The following NPR3 variants were observed in gnomAD, a reference collection of about 807,000 sequenced individuals.
NPR3 encodes the protein atrial natriuretic peptide receptor 3.
NPR3 carries 34 observed loss-of-function variants against 54.5 expected under a neutral mutation model. That is an observed-to-expected ratio of 0.62 (90% CI 0.47 to 0.83). The LOEUF (loss-of-function observed/expected upper bound fraction) is 0.83. NPR3 is among the 40% of genes least tolerant of loss of function. The pLI is 0.00. For missense variants in NPR3, 674 were observed against 720.8 expected (o/e 0.94, Z 0.74); for synonymous variants, 289 against 297.1 (o/e 0.97, Z 0.28).
Position 32,712,097 on chromosome 5 carries a change from C to T in NPR3, c.321C>T (p.Asp107=). The T allele has an allele frequency of 6.2e-7, 1 of 1,613,822 alleles. No homozygotes were observed. Among genetic ancestry groups the T allele is most frequent in the Non-Finnish European group, 8.5e-7 (1 of 1,179,814 alleles). The part of the protein sequence containing the change: ...TRFQVAYEDS[D]CGNRALFSLV... ...TCCAGGTGGCTTACGAGGATTCAGA[C>T]TGTGGGAACCGTGCGCTCTTCAGCT... The change falls in exon 1 of 8, where the codon GAC becomes GAT. Residue 107 remains aspartate, a synonymous_variant. Transcript: ENST00000265074.
At chr5:32,784,680 A>G in intron 6 of NPR3, 116 bp from the exon 7 acceptor site, 1 of 759,276 alleles carries the variant, frequency 1.3e-6, no homozygotes, top group Non-Finnish European at 2.2e-6. Flanking sequence ...ATATTTCTGA[A>G]AAAGGAAAAG....
rs6868488 is a variant in NPR3 at position 32,754,326 on chromosome 5, T to C, written c.1059+15296T>C. Among the ~76,000 whole-genome samples the C allele has an allele frequency of 8.4e-3, 1,280 of 151,972 alleles. 21 individuals carry two copies. Among genetic ancestry groups the C allele is most frequent in the African/African-American group, 0.029 (1,201 of 41,388 alleles). On this transcript the variant is annotated intron_variant, in intron 3 of 7. Transcript: ENST00000265074. ...ACCACACTGAGTTGCTCTTGGAAGT[T>C]ATGAAAAATGATTGTAAAGGGTTTT...
At chr5:32,711,274 T>C, upstream of NPR3, 1 of 957,502 alleles carries the variant, frequency 1.0e-6, no homozygotes, top group Non-Finnish European at 1.2e-6. Context: ...GGTAACACGC[T>C]CAGCCGCTGC....
At chr5:32,712,656 C>A in intron 1 of NPR3, 111 bp downstream of exon 1, 1 of 1,005,968 alleles carries the variant, frequency 9.9e-7, no homozygotes, top group Non-Finnish European at 1.4e-6. Context: ...GCGCTGAGGT[C>A]GGGTGCGCGC....
chr5:32,710,408 G>A (rs1224294334), upstream of NPR3: 3 of 284,130 alleles, frequency 1.1e-5, no homozygotes, highest in Non-Finnish European at 1.9e-5. Context: ...AAAGCCCCGA[G>A]GACGCTTTGG....
chr5:32,702,285 T>C (rs1737836120), intron 1 of NPR3, among the ~76,000 whole-genome samples: 1 of 152,066 alleles, frequency 6.6e-6, no homozygotes, highest in Non-Finnish European at 1.5e-5. Flanking sequence ...ATACTTTAAG[T>C]TTTAGGGTAC....
intron 3 of NPR3, among the ~76,000 whole-genome samples, chr5:32,743,026 ATATTTACAGAC>A (rs1740115201): frequency 6.6e-6 from 1 of 152,228 alleles, no homozygotes; most frequent in African/African-American, 2.4e-5. Flanking sequence ...AAACTTTAAA[ATATTTACAGAC>A]TATACTGAAG....
At chr5:32,713,655 G>T (rs2111848568) in intron 1 of NPR3, among the ~76,000 whole-genome samples, 3 of 152,320 alleles carry the variant, frequency 2.0e-5, no homozygotes, top group Admixed American at 2.0e-4. Context: ...TGAGCCAGGC[G>T]CCGGGCTAGT....
intron 1 of NPR3, 78 bp from the exon 2 acceptor site, chr5:32,724,620 A>G (rs1402925978): frequency 7.2e-5 from 111 of 1,545,696 alleles, no homozygotes; most frequent in Non-Finnish European, 9.7e-5. Flanking sequence ...TCCTTGTCAG[A>G]TGTCCCTTAC....
At position 32,787,590 on chromosome 5, in the gene NPR3, C is replaced by T. The variant is rs956889934; in HGVS notation, c.*1245C>T. 2.6e-5 allele frequency: 4 copies of T among 152,132 alleles called. No individual in the cohort carries two copies. Among genetic ancestry groups the T allele is most frequent in the African/African-American group, 9.7e-5 (4 of 41,446 alleles). 9.4% of individuals were successfully genotyped at this position (152,132 alleles called of 1,614,324 possible). A position where few individuals can be genotyped will look rare whatever the true frequency, so the allele number is the denominator to read the frequency against. ...GATTATTTTGTTTAAAAGAGGGAACCTAAATATCTACTCTATTCCCTTTCA... is the reference window on the plus strand; with the variant it reads ...GATTATTTTGTTTAAAAGAGGGAACTTAAATATCTACTCTATTCCCTTTCA... On this transcript the variant is annotated 3_prime_UTR_variant, in exon 8 of 8. Transcript: ENST00000265074.
At chr5:32,771,683 T>C (rs1250073215) in intron 3 of NPR3, among the ~76,000 whole-genome samples, 1 of 152,106 alleles carries the variant, frequency 6.6e-6, no homozygotes, top group East Asian at 1.9e-4. Flanking sequence ...TGATGCCCGG[T>C]GGCTGGTGCT....
chr5:32,739,597 A>T (rs1315662904), intron 3 of NPR3, among the ~76,000 whole-genome samples: 1 of 152,154 alleles, frequency 6.6e-6, no homozygotes, highest in Non-Finnish European at 1.5e-5. Flanking sequence ...TGTTGTTACT[A>T]GTGCATTTCA....
intron 3 of NPR3, among the ~76,000 whole-genome samples, chr5:32,745,942 C>T (rs965133321): frequency 1.6e-4 from 25 of 152,136 alleles, no homozygotes; most frequent in Non-Finnish European, 3.7e-4. Context: ...TCCTCACCCC[C>T]TAAAAATACT....
upstream of NPR3, among the ~76,000 whole-genome samples, chr5:32,704,550 G>A (rs1203896578): frequency 1.3e-5 from 2 of 152,152 alleles, no homozygotes; most frequent in Non-Finnish European, 2.9e-5. Flanking sequence ...GTGATAATGC[G>A]CAGACATTTT....
chr5:32,732,989 C>T (rs994035914), intron 2 of NPR3, among the ~76,000 whole-genome samples: 1 of 152,060 alleles, frequency 6.6e-6, no homozygotes, highest in African/African-American at 2.4e-5. Flanking sequence ...GGATTACAGG[C>T]ATGTGCCACC....
At chr5:32,762,451 A>G (rs1022487755) in intron 3 of NPR3, among the ~76,000 whole-genome samples, 1 of 106,442 alleles carries the variant, frequency 9.4e-6, no homozygotes, top group Non-Finnish European at 2.4e-5. Flanking sequence ...CCTCTCCAGC[A>G]TCTGTTGTTT....
intron 1 of NPR3, among the ~76,000 whole-genome samples, chr5:32,720,646 C>A (rs1344875068): frequency 6.6e-6 from 1 of 152,088 alleles, no homozygotes; most frequent in East Asian, 1.9e-4. Context: ...ACCATCATTC[C>A]CTCTTTTAGA....
At chr5:32,713,588 C>T in intron 1 of NPR3, 1 of 595,066 alleles carries the variant, frequency 1.7e-6, no homozygotes, top group Non-Finnish European at 2.1e-6. Flanking sequence ...GGTGCAATCC[C>T]GGCAAAGCTC....
chr5:32,692,429 G>A (rs969731856), intron 1 of NPR3, among the ~76,000 whole-genome samples: 3 of 152,170 alleles, frequency 2.0e-5, no homozygotes, highest in African/African-American at 4.8e-5. Flanking sequence ...GATAGATGAG[G>A]CACAAAGACG....
Sources: gnomAD v4.1 joint callset for allele counts (sites outside exome capture counted in the v4.1 genomes callset) on GRCh38, gnomAD v4.1.1 for gene constraint, MANE v1.5 for transcripts, NCBI Gene and HGNC (gene_info 2026-07-23, HGNC 2026-07-21) for gene names.